RFC1: variants seen among roughly 807,000 people sequenced by gnomAD.
RFC1 encodes the protein replication factor C subunit 1, also known as A1 140 kDa subunit.
Under a neutral mutation model 137.4 loss-of-function variants are expected in RFC1, and 37 were observed. The observed-to-expected ratio is 0.27, with a 90% CI of 0.21 to 0.35. The LOEUF is 0.35. Ranked by LOEUF, RFC1 falls within the 10% of genes least tolerant of loss-of-function variation. The pLI, the probability that RFC1 is intolerant of heterozygous loss-of-function variation, is 1.00. For missense variants in RFC1, 1,205 were observed against 1,358.5 expected (o/e 0.89, Z 1.78); for synonymous variants, 429 against 455.7 (o/e 0.94, Z 0.75).
At chr4:39,353,397 C>CAAAAAAAAAAAAAAAAAAAAA (rs11416030) in intron 1 of RFC1, among the ~76,000 whole-genome samples, 1 of 63,518 alleles carries the variant, frequency 1.6e-5, no homozygotes, top group Non-Finnish European at 2.8e-5. Context: ...GAGACTGTCT[C>CAAAAAAAAAAAAAAAAAAAAA]AAAAAAAAAA....
At chr4:39,344,844 T>C (rs1452668960) in intron 3 of RFC1, among the ~76,000 whole-genome samples, 1 of 152,168 alleles carries the variant, frequency 6.6e-6, no homozygotes, top group Non-Finnish European at 1.5e-5. Context: ...GTTTGACAAA[T>C]GCTGCATACT....
chr4:39,354,856 T>C (rs1434855203), intron 1 of RFC1, among the ~76,000 whole-genome samples: 1 of 149,080 alleles, frequency 6.7e-6, no homozygotes. Flanking sequence ...CCGAGGCAGT[T>C]GGACTGCTTG....
At chr4:39,332,257 A>ACT (rs1469009341) in intron 4 of RFC1, among the ~76,000 whole-genome samples, 1 of 151,770 alleles carries the variant, frequency 6.6e-6, no homozygotes, top group East Asian at 1.9e-4. Flanking sequence ...ACATCCTAGA[A>ACT]CTCTCTGACC....
At chr4:39,354,536 T>C (rs1741361995) in intron 1 of RFC1, among the ~76,000 whole-genome samples, 1 of 151,652 alleles carries the variant, frequency 6.6e-6, no homozygotes, top group Admixed American at 6.6e-5. Flanking sequence ...CAAGTAGAAG[T>C]CCCTCAAAGC....
At chr4:39,330,895 A>G (rs965064610) in intron 4 of RFC1, among the ~76,000 whole-genome samples, 1 of 151,368 alleles carries the variant, frequency 6.6e-6, no homozygotes, top group African/African-American at 2.4e-5. Context: ...TCAGTCATTC[A>G]TATATATATA....
chr4:39,304,533 C>A (rs978943658), intron 15 of RFC1, among the ~76,000 whole-genome samples: 5 of 152,042 alleles, frequency 3.3e-5, no homozygotes, highest in African/African-American at 9.7e-5. Flanking sequence ...TTTTTATTTT[C>A]TTTCTCTCTT....
chr4:39,326,415 T>C (rs1739769558), intron 6 of RFC1, 148 bp downstream of exon 6: 2 of 580,226 alleles, frequency 3.4e-6, no homozygotes, highest in Non-Finnish European at 6.1e-6. Flanking sequence ...TCTCATCATT[T>C]ATCTTGTATA....
chr4:39,307,216 T>C (rs779101657), intron 13 of RFC1, among the ~76,000 whole-genome samples: 2 of 152,174 alleles, frequency 1.3e-5, no homozygotes, highest in East Asian at 3.8e-4. Flanking sequence ...AGCTACATGG[T>C]CACAAGAAGA....
intron 4 of RFC1, among the ~76,000 whole-genome samples, chr4:39,337,349 A>G (rs925554947): frequency 3.3e-5 from 5 of 150,556 alleles, no homozygotes; most frequent in African/African-American, 1.2e-4. Flanking sequence ...ACTCCAGCCT[A>G]GGCAACAAGA....
intron 1 of RFC1, among the ~76,000 whole-genome samples, chr4:39,365,076 TAGTTA>T (rs1741953230): frequency 6.8e-6 from 1 of 147,836 alleles, no homozygotes; most frequent in African/African-American, 2.5e-5. Context: ...AACCACCTAC[TAGTTA>T]TATGATACAC....
intron 1 of RFC1, among the ~76,000 whole-genome samples, chr4:39,363,470 G>A (rs974893074): frequency 1.3e-5 from 2 of 152,076 alleles, no homozygotes; most frequent in South Asian, 2.1e-4. Flanking sequence ...TTTTTATAAA[G>A]GTTGCACAGT....
At chr4:39,351,756 G>A (rs1052285559) in intron 1 of RFC1, among the ~76,000 whole-genome samples, 2 of 152,126 alleles carry the variant, frequency 1.3e-5, no homozygotes, top group African/African-American at 4.8e-5. Flanking sequence ...GAGGTCAGGA[G>A]TTCGAGACCA....
intron 1 of RFC1, among the ~76,000 whole-genome samples, chr4:39,364,265 G>A (rs1362761906): frequency 6.4e-5 from 2 of 31,280 alleles, no homozygotes; most frequent in Non-Finnish European, 5.5e-4. Flanking sequence ...ACAGTCTGAG[G>A]GAAAAAAAAA....
At chr4:39,335,993 A>C (rs910498604) in intron 4 of RFC1, among the ~76,000 whole-genome samples, 2 of 152,196 alleles carry the variant, frequency 1.3e-5, no homozygotes, top group African/African-American at 4.8e-5. Flanking sequence ...ACAGTAAAGT[A>C]CCTGTCACCA....
intron 14 of RFC1, 52 bp from the exon 15 acceptor site, chr4:39,304,980 A>G (rs3816773): frequency 9.8e-7 from 1 of 1,019,554 alleles, no homozygotes; most frequent in South Asian, 1.3e-5. Flanking sequence ...TAACTCCACC[A>G]CCCCCGCCAA....
intron 14 of RFC1, among the ~76,000 whole-genome samples, chr4:39,305,320 T>C (rs1738581552): frequency 1.3e-5 from 2 of 152,110 alleles, no homozygotes; most frequent in South Asian, 2.1e-4. Flanking sequence ...TAGTATAAGA[T>C]ACCAGCCAGG....
intron 2 of RFC1, among the ~76,000 whole-genome samples, chr4:39,348,438 A>AGG (rs1332245085): frequency 1.9e-5 from 2 of 105,026 alleles, no homozygotes; most frequent in Admixed American, 9.1e-5. Context: ...AGAAAAGAAA[A>AGG]GAAAAGAAAA....
chr4:39,305,818 G>A (rs1738614475), intron 14 of RFC1, among the ~76,000 whole-genome samples: 1 of 152,062 alleles, frequency 6.6e-6, no homozygotes, highest in African/African-American at 2.4e-5. Flanking sequence ...GAGAAAAAGA[G>A]TTGTGTTCAC....
chr4:39,299,008 C>A (rs10470855), intron 21 of RFC1, among the ~76,000 whole-genome samples: 78,072 of 151,952 alleles, frequency 0.51, 21,840 homozygotes, highest in African/African-American at 0.75. Flanking sequence ...CATGATGGCC[C>A]TAACGCCCAC....
Sources: allele counts gnomAD v4.1 joint callset (sites outside exome capture counted in the v4.1 genomes callset), GRCh38; gene constraint gnomAD v4.1.1; transcripts MANE v1.5; gene names NCBI Gene and HGNC (gene_info 2026-07-23, HGNC 2026-07-21).